Variants in TBX18 observed in about 807,000 individuals in gnomAD.
The protein encoded by TBX18 is T-box transcription factor 18, also known as T-box transcription factor TBX18.
TBX18 carries 21 observed loss-of-function variants against 55.0 expected under a neutral mutation model. The observed-to-expected ratio is 0.38, with a 90% CI of 0.27 to 0.55. The LOEUF (loss-of-function observed/expected upper bound fraction) is 0.55. Ranked by LOEUF, TBX18 falls within the 20% of genes least tolerant of loss-of-function variation. The pLI is 0.73. For synonymous variants in TBX18, 342 were observed against 326.1 expected (o/e 1.05, Z -0.53); for missense variants, 840 against 799.6 (o/e 1.05, Z -0.61).
intron 2 of TBX18, among the ~76,000 whole-genome samples, chr6:84,761,224 C>T (rs532670478): frequency 5.9e-5 from 9 of 152,166 alleles, no homozygotes; most frequent in African/African-American, 2.2e-4. Flanking sequence ...AAGTCCCTTC[C>T]AAGGAAATCT....
chr6:84,754,279 C>T (rs1327070791), intron 4 of TBX18, among the ~76,000 whole-genome samples: 4 of 152,176 alleles, frequency 2.6e-5, no homozygotes, highest in Admixed American at 6.5e-5. Flanking sequence ...TAACATCTTC[C>T]GAAGTATCTT....
chr6:84,732,723 C>CTAAA lies in TBX18; in HGVS notation c.*3958_*3961dup, dbSNP rs1172507350. On this transcript the variant is annotated 3_prime_UTR_variant, in exon 8 of 8. Coordinates refer to ENST00000369663, the MANE Select transcript of TBX18 (RefSeq NM_001080508.3). ...AAATACTAAAATTTATCCTGTAAAA[C>CTAAA]TAAAGCACAGTTCCATTTAAAGGAT... 6.6e-6 allele frequency: 1 copy of CTAAA among 151,792 alleles called. No individual in the cohort carries two copies. The highest frequency in any genetic ancestry group is 2.4e-5 in the African/African-American group (1 of 41,330). 9.4% of individuals were successfully genotyped at this position (151,792 alleles called of 1,614,324 possible).
chr6:84,752,226 G>C (rs1030987815), intron 4 of TBX18, among the ~76,000 whole-genome samples: 2 of 151,934 alleles, frequency 1.3e-5, no homozygotes, highest in Non-Finnish European at 2.9e-5. Context: ...CTCATCTGAT[G>C]AGTCGAAAGA....
chr6:84,738,476 C>T (rs1389881091), intron 7 of TBX18, 21 bp downstream of exon 7: 15 of 1,600,444 alleles, frequency 9.4e-6, no homozygotes, highest in Non-Finnish European at 1.3e-5. Context: ...TATATATGAC[C>T]CAGGAGACTT....
intron 3 of TBX18, among the ~76,000 whole-genome samples, chr6:84,757,626 T>C (rs2127880007): frequency 6.6e-6 from 1 of 152,168 alleles, no homozygotes; most frequent in African/African-American, 2.4e-5. Flanking sequence ...ATCTAATTAA[T>C]ATTACTTTTC....
chr6:84,763,568 A>AG, intron 1 of TBX18: 1 of 603,764 alleles, frequency 1.7e-6, no homozygotes. Context: ...GAAACAAAAA[A>AG]GAGCACCCAT....
rs1767678500 is a variant in TBX18 at position 84,762,529 on chromosome 6, C to T, written c.497+15G>A. The T allele has an allele frequency of 1.2e-6, 2 of 1,613,832 alleles. No homozygotes were observed. Among genetic ancestry groups the T allele is most frequent in the South Asian group, 2.2e-5 (2 of 91,088 alleles). On this transcript the variant is annotated intron_variant, in intron 2 of 7. Coordinates refer to ENST00000369663, the MANE Select transcript of TBX18 (RefSeq NM_001080508.3). ...CTGGGGTAGGGAGGGGCGTCCACGC[C>T]AGCTTGCCCATTACCTGCCGGCCTT... is the stretch of plus-strand genomic sequence containing the variant.
intron 4 of TBX18, among the ~76,000 whole-genome samples, chr6:84,755,463 C>T (rs74779590): frequency 0.067 from 10,190 of 152,044 alleles, 407 homozygotes; most frequent in Non-Finnish European, 0.08. Flanking sequence ...GCTGCCTCAG[C>T]GACACAGAAG....
chr6:84,737,396 G>C lies in TBX18; in HGVS notation c.1113C>G (p.Ser371=). Residue 371 remains serine (S), a synonymous_variant, in exon 8 of 8, where the codon TCC becomes TCG. Coordinates refer to ENST00000369663, the MANE Select transcript of TBX18 (RefSeq NM_001080508.3). The part of the protein sequence containing the change: ...PGIPKQGNAS[S]STLLQGTGNG... ...TCCCAGTACCTTGGAGCAAGGTGGA[G>C]GAACTTGCATTGCCTACAAAAGAAG... The C allele has an allele frequency of 6.6e-7, 1 of 1,514,694 alleles. No homozygotes were observed. The highest frequency in any genetic ancestry group is 2.2e-5 in the Admixed American group (1 of 44,590). 93.8% of individuals were successfully genotyped at this position (1,514,694 alleles called of 1,614,324 possible). A position where few individuals can be genotyped will look rare whatever the true frequency, so the allele number is the denominator to read the frequency against.
At chr6:84,747,266 A>G (rs891607246) in intron 5 of TBX18, among the ~76,000 whole-genome samples, 5 of 152,202 alleles carry the variant, frequency 3.3e-5, no homozygotes, top group Non-Finnish European at 5.9e-5. Flanking sequence ...GAATTCCAGC[A>G]TGGATTACAT....
chr6:84,763,524 C>G (rs1466504578), intron 1 of TBX18: 19 of 508,690 alleles, frequency 3.7e-5, no homozygotes, highest in Non-Finnish European at 3.8e-6. Context: ...TGCCGTCGCT[C>G]CCCTCCTCCC....
rs968970268 is a variant in TBX18 at position 84,764,382 on chromosome 6, G to A, written c.-201C>T. On this transcript the variant is annotated 5_prime_UTR_variant, in exon 1 of 8. Coordinates refer to ENST00000369663, the MANE Select transcript of TBX18 (RefSeq NM_001080508.3). ...GGATCCAGGAACCGGCGACGCGCCGGCCAAGTCTCCTTTCCTGGGTCTCTC... is the reference window on the plus strand; with the variant it reads ...GGATCCAGGAACCGGCGACGCGCCGACCAAGTCTCCTTTCCTGGGTCTCTC... The A allele has an allele frequency of 2.2e-5, 16 of 713,652 alleles. No individual in the cohort carries two copies. In the East Asian group the frequency reaches 4.7e-4, roughly 21 times the overall value. 44.2% of individuals were successfully genotyped at this position (713,652 alleles called of 1,614,324 possible). A position where few individuals can be genotyped will look rare whatever the true frequency, so the allele number is the denominator to read the frequency against.
chr6:84,736,386 TAA>T lies in TBX18; in HGVS notation c.*297_*298del, dbSNP rs1371184291. On this transcript the variant is annotated 3_prime_UTR_variant, in exon 8 of 8. Transcript: ENST00000369663. The stretch of plus-strand genomic sequence containing the variant: ...AGTTTTAAGTTTACCATCTTGTTTT[TAA>T]AAGAGTCTGAGAACTTTGCTTAAAC... The T allele has an allele frequency of 1.9e-5, 4 of 214,594 alleles. No homozygotes were observed. The highest frequency in any genetic ancestry group is 5.9e-5 in the Admixed American group (1 of 17,036). The allele number at this position is 214,594 out of a possible 1,614,324, so 13.3% of individuals were successfully genotyped here.
intron 5 of TBX18, among the ~76,000 whole-genome samples, chr6:84,746,450 T>C (rs952099617): frequency 1.4e-5 from 2 of 147,180 alleles, no homozygotes. Context: ...ATATAATATT[T>C]CGTATATTAT....
intron 1 of TBX18, chr6:84,763,208 C>T (rs1582090166): frequency 2.7e-6 from 1 of 365,282 alleles, no homozygotes; most frequent in Non-Finnish European, 5.3e-6. Flanking sequence ...GCCTGGGCCT[C>T]CTTAAGCCAT....
At chr6:84,748,716 T>A (rs1322592783) in intron 4 of TBX18, among the ~76,000 whole-genome samples, 1 of 152,216 alleles carries the variant, frequency 6.6e-6, no homozygotes, top group Non-Finnish European at 1.5e-5. Context: ...CAGATGCTGC[T>A]GGGGAAATCT....
chr6:84,757,831 A>G (rs1767536647), intron 3 of TBX18, among the ~76,000 whole-genome samples: 1 of 152,024 alleles, frequency 6.6e-6, no homozygotes, highest in African/African-American at 2.4e-5. Context: ...AGAAAAAATT[A>G]TAAAATAAAA....
At chr6:84,740,439 C>T (rs1767017640) in intron 6 of TBX18, among the ~76,000 whole-genome samples, 1 of 152,178 alleles carries the variant, frequency 6.6e-6, no homozygotes, top group Non-Finnish European at 1.5e-5. Context: ...TTGTTTCATT[C>T]TAAGAGATTT....
At chr6:84,739,040 C>T (rs748850470) in intron 6 of TBX18, among the ~76,000 whole-genome samples, 8 of 152,174 alleles carry the variant, frequency 5.3e-5, no homozygotes, top group South Asian at 4.1e-4. Flanking sequence ...AGGGTCATTA[C>T]TGCCCATCAT....
Sources: allele counts gnomAD v4.1 joint callset (sites outside exome capture counted in the v4.1 genomes callset), GRCh38; gene constraint gnomAD v4.1.1; transcripts MANE v1.5; gene names NCBI Gene and HGNC (gene_info 2026-07-23, HGNC 2026-07-21).